The following EPHA3 variants were observed in gnomAD, a reference collection of about 807,000 sequenced individuals.
EPHA3 encodes EPH receptor A3.
In EPHA3, 42 loss-of-function variants were observed where a neutral mutation model predicts 107.1. The observed-to-expected ratio is 0.39, with a 90% confidence interval of 0.31 to 0.51. The LOEUF (loss-of-function observed/expected upper bound fraction) is 0.51, where lower values mean the gene tolerates loss of function less well. Ranked by LOEUF, EPHA3 falls within the 20% of genes least tolerant of loss-of-function variation. EPHA3 has a pLI of 0.78. For synonymous variants in EPHA3, 461 were observed against 424.8 expected (o/e 1.09, Z -1.05); for missense variants, 1,183 against 1,211.2 (o/e 0.98, Z 0.35).
chr3:89,138,457 G>A lies in EPHA3; in HGVS notation c.153+11184G>A, dbSNP rs74757014. 0.013 allele frequency among the ~76,000 whole-genome samples: 1,904 copies of A among 151,958 alleles called. 46 individuals are homozygous for A. In the East Asian group the frequency reaches 0.13, roughly 10 times the overall value. On this transcript the variant is annotated intron_variant, in intron 2 of 16. Transcript: ENST00000336596. The stretch of plus-strand genomic sequence containing the variant: ...AATGAATTAAGTGATAGGAAAATGG[G>A]AATACAGAATTGGAAAGTCCCTGTC...
At chr3:89,387,165 T>G (rs771513585) in intron 5 of EPHA3, among the ~76,000 whole-genome samples, 7 of 151,894 alleles carry the variant, frequency 4.6e-5, no homozygotes, top group Non-Finnish European at 1.0e-4. Flanking sequence ...ATTTGGGAGG[T>G]GTCAGGGGTG....
intron 2 of EPHA3, among the ~76,000 whole-genome samples, chr3:89,132,811 G>A (rs1357234678): frequency 6.6e-6 from 1 of 152,160 alleles, no homozygotes; most frequent in East Asian, 1.9e-4. Context: ...GATTGCTTGA[G>A]CCCAAGAGTT....
At chr3:89,351,266 G>A (rs1201005357) in intron 5 of EPHA3, among the ~76,000 whole-genome samples, 3 of 151,278 alleles carry the variant, frequency 2.0e-5, no homozygotes, top group South Asian at 2.1e-4. Flanking sequence ...AGCAATCAGC[G>A]AGATTCCGTG....
Position 89,415,984 on chromosome 3 carries a change from G to T in EPHA3, c.1888+2718G>T, listed in dbSNP as rs532289403. Among the ~76,000 whole-genome samples the T allele has an allele frequency of 7.9e-5, 12 of 151,374 alleles. No homozygotes were observed. In the South Asian group the frequency reaches 2.3e-3, roughly 29 times the overall value. On this transcript the variant is annotated intron_variant, in intron 10 of 16. Transcript: ENST00000336596. ...CTTCTTCATAGTATTTTTTTTTGAG[G>T]ATTAAACAAGATAAGTTGTGCAGGG...
chr3:89,451,677 T>A (rs1030696599), intron 15 of EPHA3, among the ~76,000 whole-genome samples: 6 of 152,200 alleles, frequency 3.9e-5, no homozygotes, highest in South Asian at 2.1e-4. Flanking sequence ...TCAGTAACGA[T>A]GACTTGTGGG....
In EPHA3 at chr3:89,110,586, A is replaced by G. The variant is rs189036111; in HGVS notation, c.88+2750A>G. ...TCACTTGACTCAGCAATTGGCCTAT[A>G]TACTTAAACAGAACTTTATAAAAAC... On this transcript the variant is annotated intron_variant, in intron 1 of 16. Transcript: ENST00000336596. Among the ~76,000 whole-genome samples the G allele has an allele frequency of 7.9e-3, 1,208 of 152,130 alleles. 8 individuals are homozygous for G. The highest frequency in any genetic ancestry group is 0.011 in the Non-Finnish European group (760 of 67,852).
At chr3:89,369,840 G>T (rs1708257999) in intron 5 of EPHA3, among the ~76,000 whole-genome samples, 1 of 150,324 alleles carries the variant, frequency 6.7e-6, no homozygotes, top group Non-Finnish European at 1.5e-5. Flanking sequence ...TCAAAAAGTG[G>T]GAAAAGGACA....
chr3:89,436,637 G>T (rs1709676352), intron 13 of EPHA3, among the ~76,000 whole-genome samples: 1 of 152,182 alleles, frequency 6.6e-6, no homozygotes, highest in African/African-American at 2.4e-5. Context: ...GGAATGTATA[G>T]AAATTATATA....
At chr3:89,170,133 C>A (rs1398676603) in intron 2 of EPHA3, among the ~76,000 whole-genome samples, 1 of 151,838 alleles carries the variant, frequency 6.6e-6, no homozygotes, top group Non-Finnish European at 1.5e-5. Flanking sequence ...CGCCTGTGGT[C>A]CCAGCTGCTC....
intron 11 of EPHA3, among the ~76,000 whole-genome samples, chr3:89,427,006 G>T (rs543471126): frequency 6.6e-6 from 1 of 151,702 alleles, no homozygotes; most frequent in South Asian, 2.1e-4. Flanking sequence ...CTTTCTTTTT[G>T]AATATTGTTT....
intron 5 of EPHA3, among the ~76,000 whole-genome samples, chr3:89,349,623 G>T (rs1576327511): frequency 7.3e-6 from 1 of 137,752 alleles, no homozygotes; most frequent in East Asian, 2.1e-4. Context: ...TACATTTAAA[G>T]TTAATATTGT....
rs1318411960 is a variant in EPHA3, at chr3:89,179,076, A to G, written c.154-30784A>G. Among the ~76,000 whole-genome samples the G allele has an allele frequency of 2.6e-5, 4 of 151,996 alleles. No homozygotes were observed. In the East Asian group the frequency reaches 7.7e-4, roughly 29 times the overall value. The stretch of plus-strand genomic sequence containing the variant: ...TCATTTTTCTTTTTTTACTTGAATA[A>G]AATAATTTCTTTATACCTAATGAAC... On this transcript the variant is annotated intron_variant, in intron 2 of 16. Transcript: ENST00000336596.
At chr3:89,413,289 C>T (rs1336827447) in intron 10 of EPHA3, 23 bp downstream of exon 10, 2 of 1,610,504 alleles carry the variant, frequency 1.2e-6, no homozygotes, top group African/African-American at 2.7e-5. Flanking sequence ...ACCCTACTGC[C>T]AACTTAGTAC....
chr3:89,316,661 T>C (rs1163714461), intron 3 of EPHA3, among the ~76,000 whole-genome samples: 1 of 150,898 alleles, frequency 6.6e-6, no homozygotes, highest in Non-Finnish European at 1.5e-5. Flanking sequence ...ATGCTACAGT[T>C]TTCTCTTTGG....
intron 3 of EPHA3, among the ~76,000 whole-genome samples, chr3:89,287,127 C>T (rs1264971145): frequency 6.6e-6 from 1 of 152,116 alleles, no homozygotes; most frequent in African/African-American, 2.4e-5. Context: ...AAAAACATTT[C>T]AAGCTGCAGA....
At chr3:89,359,350 A>T (rs546743338) in intron 5 of EPHA3, among the ~76,000 whole-genome samples, 3 of 151,056 alleles carry the variant, frequency 2.0e-5, no homozygotes, top group East Asian at 3.9e-4. Context: ...AAGTTAAAAG[A>T]TATTGCTTTC....
At chr3:89,256,505 AT>A (rs1705289230) in intron 3 of EPHA3, among the ~76,000 whole-genome samples, 1 of 152,124 alleles carries the variant, frequency 6.6e-6, no homozygotes, top group Non-Finnish European at 1.5e-5. Flanking sequence ...CAGAGGTTGC[AT>A]TGAGCCGAGA....
chr3:89,339,501 C>G (rs2107414474), intron 3 of EPHA3, among the ~76,000 whole-genome samples: 1 of 152,156 alleles, frequency 6.6e-6, no homozygotes, highest in African/African-American at 2.4e-5. Context: ...CTACAGCAGC[C>G]ATTCTTGGTA....
At chr3:89,459,437 TTC>T (rs937248199) in intron 15 of EPHA3, among the ~76,000 whole-genome samples, 2 of 151,942 alleles carry the variant, frequency 1.3e-5, no homozygotes, top group African/African-American at 4.8e-5. Flanking sequence ...CTTTCTTTCT[TTC>T]TTTCTCTTTC....
Sources: gnomAD v4.1 joint callset for allele counts (sites outside exome capture counted in the v4.1 genomes callset) on GRCh38, gnomAD v4.1.1 for gene constraint, MANE v1.5 for transcripts, NCBI Gene and HGNC (gene_info 2026-07-23, HGNC 2026-07-21) for gene names.